Variants in DIAPH3 observed in about 807,000 individuals in gnomAD.
DIAPH3 encodes the protein protein diaphanous homolog 3.
In DIAPH3, 117 loss-of-function variants were observed where a neutral mutation model predicts 144.3. The observed-to-expected ratio is 0.81, with a 90% CI of 0.70 to 0.95. DIAPH3 has a LOEUF of 0.95. Ranked by LOEUF, DIAPH3 falls within the 40% of genes least tolerant of loss-of-function variation. The probability of loss-of-function intolerance (pLI) is 0.00; values close to 1 mark genes in which losing one functional copy is unlikely to be tolerated. For missense variants in DIAPH3, 1,421 were observed against 1,412.7 expected (o/e 1.01, Z -0.09); for synonymous variants, 519 against 488.9 (o/e 1.06, Z -0.81).
intron 20 of DIAPH3, among the ~76,000 whole-genome samples, chr13:59,897,663 G>A (rs560789172): frequency 9.3e-5 from 14 of 151,238 alleles, no homozygotes; most frequent in South Asian, 4.2e-4. Context: ...CAAGAGAATC[G>A]TTTGAACCCA....
intron 25 of DIAPH3, among the ~76,000 whole-genome samples, chr13:59,796,269 C>T (rs1273800091): frequency 1.3e-5 from 2 of 152,150 alleles, no homozygotes; most frequent in Admixed American, 1.3e-4. Flanking sequence ...ATCTCAGAAC[C>T]TCGATCACGG....
chr13:59,870,404 G>A (rs1230628248), intron 21 of DIAPH3, among the ~76,000 whole-genome samples: 22 of 151,912 alleles, frequency 1.4e-4, no homozygotes. Flanking sequence ...AAGTCAGGGA[G>A]TGTCAGATTT....
At chr13:59,824,348 G>A (rs921353166) in intron 24 of DIAPH3, among the ~76,000 whole-genome samples, 1 of 152,136 alleles carries the variant, frequency 6.6e-6, no homozygotes, top group African/African-American at 2.4e-5. Context: ...CTGAGGCTCA[G>A]TAAGGTTAAG....
chr13:59,924,656 T>C, intron 18 of DIAPH3, 119 bp downstream of exon 18: 1 of 1,433,134 alleles, frequency 7.0e-7, no homozygotes. Flanking sequence ...TGTGAATTTA[T>C]CATGCATATA....
At chr13:60,134,485 G>A (rs1280365368) in intron 1 of DIAPH3, among the ~76,000 whole-genome samples, 1 of 152,202 alleles carries the variant, frequency 6.6e-6, no homozygotes, top group Non-Finnish European at 1.5e-5. Flanking sequence ...CCCAAACGTA[G>A]AGGGCTCTTG....
intron 25 of DIAPH3, among the ~76,000 whole-genome samples, chr13:59,787,928 C>T (rs576481714): frequency 3.2e-4 from 49 of 152,318 alleles, no homozygotes; most frequent in Admixed American, 9.1e-4. Flanking sequence ...TGTGAGGACA[C>T]AGCTAGAAGG....
chr13:59,941,004 C>T (rs781269413), intron 17 of DIAPH3, among the ~76,000 whole-genome samples: 11 of 152,194 alleles, frequency 7.2e-5, no homozygotes, highest in Non-Finnish European at 1.3e-4. Context: ...GTCCAATAGC[C>T]TTGCCATTTC....
chr13:60,123,911 A>G (rs2058914439), intron 2 of DIAPH3, among the ~76,000 whole-genome samples: 1 of 152,246 alleles, frequency 6.6e-6, no homozygotes, highest in Admixed American at 6.5e-5. Flanking sequence ...TATTTTTAAA[A>G]GCTACTGACT....
chr13:59,802,678 T>TTTTTA (rs2039996273), intron 25 of DIAPH3, among the ~76,000 whole-genome samples: 1 of 69,280 alleles, frequency 1.4e-5, no homozygotes, highest in Non-Finnish European at 3.0e-5. Context: ...TTTTTTTTTT[T>TTTTTA]TTTTTTTTTT....
chr13:59,668,816 T>C (rs2032176282), intron 27 of DIAPH3, among the ~76,000 whole-genome samples: 1 of 142,374 alleles, frequency 7.0e-6, no homozygotes, highest in African/African-American at 2.6e-5. Flanking sequence ...TAAAACTATA[T>C]ATATACACAT....
At chr13:59,734,555 G>A (rs1037752926) in intron 27 of DIAPH3, among the ~76,000 whole-genome samples, 4 of 151,924 alleles carry the variant, frequency 2.6e-5, no homozygotes, top group Admixed American at 2.0e-4. Context: ...GCTACAATCC[G>A]CTTTGGCCAC....
In DIAPH3 at chr13:60,093,235, A is replaced by T. The variant is rs375206501; in HGVS notation, c.495+393T>A. 2.3e-3 allele frequency among the ~76,000 whole-genome samples: 343 copies of T among 152,350 alleles called. 2 individuals carry two copies. The highest frequency in any genetic ancestry group is 7.5e-3 in the African/African-American group (314 of 41,590). Reference sequence around the variant, plus strand: ...TTTTATTCATAGGGAGACTCACATTAAAGACATTTCTAAGCCACTATTATG... The same window carrying T: ...TTTTATTCATAGGGAGACTCACATTTAAGACATTTCTAAGCCACTATTATG... On this transcript the variant is annotated intron_variant, in intron 4 of 27. Coordinates refer to ENST00000400324, the MANE Select transcript of DIAPH3 (RefSeq NM_001042517.2).
chr13:60,024,670 T>C (rs9538550), intron 5 of DIAPH3, among the ~76,000 whole-genome samples: 30,863 of 152,220 alleles, frequency 0.2, 3,498 homozygotes, highest in South Asian at 0.27. Context: ...CCATATTTTT[T>C]ATACTGAAGG....
chr13:60,073,088 CA>C (rs2057268093), intron 4 of DIAPH3, among the ~76,000 whole-genome samples: 1 of 152,226 alleles, frequency 6.6e-6, no homozygotes, highest in African/African-American at 2.4e-5. Context: ...GCAGGCAGAT[CA>C]CCTGAAGTCA....
chr13:60,056,730 A>C (rs1473838449), intron 4 of DIAPH3, among the ~76,000 whole-genome samples: 1 of 151,808 alleles, frequency 6.6e-6, no homozygotes, highest in Non-Finnish European at 1.5e-5. Flanking sequence ...TGATAGGGAC[A>C]AAAAAGGACA....
chr13:59,720,256 T>G (rs1228321634), intron 27 of DIAPH3, among the ~76,000 whole-genome samples: 1 of 152,170 alleles, frequency 6.6e-6, no homozygotes, highest in African/African-American at 2.4e-5. Context: ...GGGCCACCAC[T>G]GTATATTGGG....
chr13:60,097,788 AAG>A (rs368169240), intron 3 of DIAPH3, among the ~76,000 whole-genome samples: 5 of 151,318 alleles, frequency 3.3e-5, no homozygotes, highest in African/African-American at 7.3e-5. Context: ...GAAAAAAAAA[AAG>A]AGAGAGAGAG....
chr13:59,999,401 C>T (rs1387068730), intron 9 of DIAPH3, among the ~76,000 whole-genome samples: 3 of 152,032 alleles, frequency 2.0e-5, no homozygotes, highest in Non-Finnish European at 4.4e-5. Context: ...GATCTATCTT[C>T]TAATTAAACT....
At chr13:59,954,047 A>C (rs1160792686) in intron 17 of DIAPH3, among the ~76,000 whole-genome samples, 1 of 152,170 alleles carries the variant, frequency 6.6e-6, no homozygotes, top group Admixed American at 6.5e-5. Flanking sequence ...TCCATTCCAT[A>C]CCAATGCATA....
Sources: gnomAD v4.1 joint callset for allele counts (sites outside exome capture counted in the v4.1 genomes callset) on GRCh38, gnomAD v4.1.1 for gene constraint, MANE v1.5 for transcripts, NCBI Gene and HGNC (gene_info 2026-07-23, HGNC 2026-07-21) for gene names.